CAPN13: variants seen among roughly 807,000 people sequenced by gnomAD.
CAPN13 encodes calpain-13.
CAPN13 carries 90 observed loss-of-function variants against 98.4 expected under a neutral mutation model. The ratio of observed to expected loss-of-function variants is 0.92; its 90% CI spans 0.77 to 1.09. The LOEUF (loss-of-function observed/expected upper bound fraction) is 1.09. Among genes scored for constraint, CAPN13 ranks in the 50% least tolerant of loss-of-function variants. The pLI is 0.00. For missense variants in CAPN13, 887 were observed against 841.3 expected, an observed-to-expected ratio of 1.05 and a Z score of -0.67; for synonymous variants, 330 against 305.5, an observed-to-expected ratio of 1.08 and a Z score of -0.84.
intron 11 of CAPN13, among the ~76,000 whole-genome samples, chr2:30,749,396 C>T (rs1672066915): frequency 6.6e-6 from 1 of 152,226 alleles, no homozygotes; most frequent in Non-Finnish European, 1.5e-5. Flanking sequence ...TATTCTCTCA[C>T]TGTGAGGCCC....
At chr2:30,754,503 A>C in intron 8 of CAPN13, 139 bp from the exon 9 acceptor site, 1 of 593,226 alleles carries the variant, frequency 1.7e-6, no homozygotes, top group Non-Finnish European at 2.8e-6. Flanking sequence ...CTAGGACAGG[A>C]CCCAGTTATT....
At chr2:30,772,867 G>A (rs1165934743) in intron 4 of CAPN13, among the ~76,000 whole-genome samples, 1 of 151,466 alleles carries the variant, frequency 6.6e-6, no homozygotes, top group Non-Finnish European at 1.5e-5. Flanking sequence ...TTGCCAGGCT[G>A]GAGTGCAGTA....
chr2:30,773,698 G>A lies in CAPN13; in HGVS notation c.387+2232C>T, dbSNP rs552413272. On this transcript the variant is annotated intron_variant, in intron 4 of 22. Coordinates refer to ENST00000295055, the MANE Select transcript of CAPN13 (RefSeq NM_144575.3). ...CACCAAAGAACATAGCAGGAAAAGT[G>A]TAAAGCCAGAGCACCTGAAAGCATA... Among the ~76,000 whole-genome samples the A allele has an allele frequency of 7.7e-4, 118 of 152,324 alleles. 1 individual carries two copies. In the South Asian group the frequency reaches 0.024, roughly 31 times the overall value.
At chr2:30,762,960 G>A (rs1173797470) in intron 7 of CAPN13, 122 bp downstream of exon 7, 1 of 742,682 alleles carries the variant, frequency 1.3e-6, no homozygotes, top group Non-Finnish European at 2.1e-6. Context: ...ACAGAGGCAA[G>A]GGCGATATAT....
chr2:30,787,792 G>T (rs967923035), intron 1 of CAPN13, among the ~76,000 whole-genome samples: 1 of 152,150 alleles, frequency 6.6e-6, no homozygotes, highest in African/African-American at 2.4e-5. Flanking sequence ...GGAAGTGTTG[G>T]ATGACATTGC....
At chr2:30,769,304 G>A (rs1420526156) in intron 5 of CAPN13, among the ~76,000 whole-genome samples, 1 of 152,100 alleles carries the variant, frequency 6.6e-6, no homozygotes, top group Non-Finnish European at 1.5e-5. Context: ...TCCTTCAGAA[G>A]GCTGCCTGGG....
rs111206636 is a variant in CAPN13, at chr2:30,759,077, C to T, written c.775-940G>A. 4.3e-3 allele frequency among the ~76,000 whole-genome samples: 218 copies of T among 51,174 alleles called. 3 individuals carry two copies. The highest frequency in any genetic ancestry group is 6.6e-3 in the Non-Finnish European group (158 of 24,050). 33.6% of individuals were successfully genotyped at this position (51,174 alleles called of 152,430 possible). ...TTCCCTCCCTCCCTCCCTCCTCCCT[C>T]CCTTCCTCTCTGCCTCCCTTCATCC... On this transcript the variant is annotated intron_variant, in intron 7 of 22. Transcript: ENST00000295055.
chr2:30,737,103 A>G (rs1168994554), intron 17 of CAPN13: 1 of 154,698 alleles, frequency 6.5e-6, no homozygotes, highest in East Asian at 1.9e-4. Context: ...AGAAGGCTGA[A>G]AGAGACCTGT....
chr2:30,757,937 C>A, intron 8 of CAPN13, 109 bp downstream of exon 8: 1 of 787,606 alleles, frequency 1.3e-6, no homozygotes, highest in Non-Finnish European at 2.0e-6. Flanking sequence ...GCTGGACAGG[C>A]CTGCAGTGAG....
intron 19 of CAPN13, among the ~76,000 whole-genome samples, chr2:30,733,716 C>T (rs1671215193): frequency 6.6e-6 from 1 of 152,196 alleles, no homozygotes; most frequent in African/African-American, 2.4e-5. Context: ...TGCCCTGTCT[C>T]CAGGCCAGGA....
chr2:30,755,564 A>G (rs1482710334), intron 8 of CAPN13, among the ~76,000 whole-genome samples: 1 of 152,024 alleles, frequency 6.6e-6, no homozygotes, highest in Admixed American at 6.6e-5. Context: ...AGAGACCCTC[A>G]CAAGCAGAAG....
intron 11 of CAPN13, 34 bp from the exon 12 acceptor site, chr2:30,745,768 A>G (rs2147977157): frequency 1.9e-6 from 3 of 1,588,978 alleles, no homozygotes; most frequent in Non-Finnish European, 2.6e-6. Context: ...AGATTTAGGA[A>G]CTCAGACGTA....
chr2:30,737,649 CCATGTT>C, intron 17 of CAPN13: 1 of 157,962 alleles, frequency 6.3e-6, no homozygotes, highest in Non-Finnish European at 1.4e-5. Context: ...AGGCAGTTTT[CCATGTT>C]TTGGTGGTAG....
intron 5 of CAPN13, among the ~76,000 whole-genome samples, chr2:30,765,272 C>A (rs1317286590): frequency 6.6e-6 from 1 of 152,298 alleles, no homozygotes; most frequent in Middle Eastern, 3.4e-3. Context: ...TTAGGCAGGG[C>A]AAGCTCACAG....
chr2:30,753,003 G>C, intron 10 of CAPN13, 50 bp downstream of exon 10: 2 of 1,604,594 alleles, frequency 1.2e-6, no homozygotes, highest in Non-Finnish European at 1.7e-6. Flanking sequence ...GGGCTGGGCT[G>C]GGGCAGCCAG....
At chr2:30,793,924 A>T (rs2148091454) in intron 1 of CAPN13, among the ~76,000 whole-genome samples, 1 of 151,918 alleles carries the variant, frequency 6.6e-6, no homozygotes, top group East Asian at 1.9e-4. Context: ...ACACACAAAA[A>T]CCAAGTCAAA....
chr2:30,786,495 C>T (rs991237902), intron 2 of CAPN13, among the ~76,000 whole-genome samples: 7 of 152,174 alleles, frequency 4.6e-5, no homozygotes, highest in Admixed American at 1.3e-4. Flanking sequence ...GCTCACCTGG[C>T]TGCAAGGTAG....
intron 12 of CAPN13, among the ~76,000 whole-genome samples, chr2:30,744,723 G>A (rs1361119252): frequency 6.6e-6 from 1 of 152,148 alleles, no homozygotes; most frequent in Non-Finnish European, 1.5e-5. Context: ...TGTGAGTGTG[G>A]GGGAACAACG....
At chr2:30,756,217 C>T (rs2609932) in intron 8 of CAPN13, among the ~76,000 whole-genome samples, 131,605 of 152,152 alleles carry the variant, frequency 0.86, 57,047 homozygotes, top group African/African-American at 0.92. Flanking sequence ...TCAGGCTGTC[C>T]TGTGTCAGCT....
Sources: allele counts gnomAD v4.1 joint callset (sites outside exome capture counted in the v4.1 genomes callset), GRCh38; gene constraint gnomAD v4.1.1; transcripts MANE v1.5; gene names NCBI Gene and HGNC (gene_info 2026-07-23, HGNC 2026-07-21).